The following CDK14 variants were observed in gnomAD, a reference collection of about 807,000 sequenced individuals.
CDK14 encodes the protein cyclin dependent kinase 14, also known as cyclin-dependent kinase 14.
In CDK14, 34 loss-of-function variants were observed where a neutral mutation model predicts 60.7. That is an observed-to-expected ratio of 0.56 (90% CI 0.43 to 0.75). CDK14 has a LOEUF of 0.75. Among genes scored for constraint, CDK14 ranks in the 30% least tolerant of loss-of-function variants. The pLI is 0.00. For missense variants in CDK14, 482 were observed against 564.1 expected (o/e 0.85, Z 1.47); for synonymous variants, 197 against 203.7 (o/e 0.97, Z 0.28).
chr7:91,065,815 A>G (rs980770020), intron 11 of CDK14, among the ~76,000 whole-genome samples: 5 of 152,240 alleles, frequency 3.3e-5, no homozygotes, highest in African/African-American at 1.2e-4. Context: ...TACTTGTAGA[A>G]TGAATGAATA....
At chr7:90,869,149 A>G (rs1265722022) in intron 6 of CDK14, among the ~76,000 whole-genome samples, 2 of 152,202 alleles carry the variant, frequency 1.3e-5, no homozygotes, top group Non-Finnish European at 2.9e-5. Context: ...GTAGCTCTCT[A>G]TCAATATTTT....
At chr7:91,089,743 A>AT (rs1798748541) in intron 12 of CDK14, among the ~76,000 whole-genome samples, 1 of 152,168 alleles carries the variant, frequency 6.6e-6, no homozygotes, top group Non-Finnish European at 1.5e-5. Context: ...GATGATGAAT[A>AT]TTTTTTATGA....
chr7:90,749,744 G>GTT (rs139483011), intron 4 of CDK14, among the ~76,000 whole-genome samples: 2,923 of 152,276 alleles, frequency 0.019, 82 homozygotes, highest in African/African-American at 0.066. Flanking sequence ...GGCTAAGGAT[G>GTT]TTTCCCAGCT....
intron 3 of CDK14, among the ~76,000 whole-genome samples, chr7:90,744,163 C>T (rs553991261): frequency 8.5e-5 from 13 of 152,258 alleles, no homozygotes; most frequent in South Asian, 2.1e-4. Flanking sequence ...TGCGGCCTTC[C>T]GCAGTGTTTG....
chr7:90,922,017 G>A (rs777953372), intron 8 of CDK14, among the ~76,000 whole-genome samples: 11 of 152,128 alleles, frequency 7.2e-5, no homozygotes. Context: ...TAAACAGAAA[G>A]AAATCACCTT....
intron 7 of CDK14, among the ~76,000 whole-genome samples, chr7:90,914,612 T>C (rs573100921): frequency 1.3e-5 from 2 of 152,344 alleles, no homozygotes; most frequent in African/African-American, 2.4e-5. Flanking sequence ...TAATTTGTCA[T>C]GTATACACTT....
intron 4 of CDK14, among the ~76,000 whole-genome samples, chr7:90,763,088 G>A (rs1423890437): frequency 6.6e-6 from 1 of 152,136 alleles, no homozygotes; most frequent in Non-Finnish European, 1.5e-5. Flanking sequence ...ATGATAAAGA[G>A]CTTAGTTCTC....
intron 10 of CDK14, among the ~76,000 whole-genome samples, chr7:91,038,995 AGGG>A (rs1797008249): frequency 1.3e-5 from 2 of 152,192 alleles, no homozygotes; most frequent in Non-Finnish European, 2.9e-5. Flanking sequence ...GGACTAATAC[AGGG>A]GTGTTCCCAG....
intron 2 of CDK14, among the ~76,000 whole-genome samples, chr7:90,654,289 T>C (rs1178774910): frequency 6.6e-6 from 1 of 152,144 alleles, no homozygotes; most frequent in African/African-American, 2.4e-5. Flanking sequence ...TGAAAACTAG[T>C]AATGTACTTG....
intron 4 of CDK14, among the ~76,000 whole-genome samples, chr7:90,748,217 G>A (rs1247428156): frequency 6.6e-6 from 1 of 152,044 alleles, no homozygotes; most frequent in African/African-American, 2.4e-5. Context: ...AAACAAAATG[G>A]CAAACTTTTC....
At chr7:90,649,082 A>G (rs1800530384) in intron 2 of CDK14, among the ~76,000 whole-genome samples, 1 of 152,078 alleles carries the variant, frequency 6.6e-6, no homozygotes, top group Non-Finnish European at 1.5e-5. Context: ...GGAACTCTGT[A>G]AATTATGCTT....
chr7:91,178,740 A>G (rs903124813), intron 14 of CDK14, among the ~76,000 whole-genome samples: 2 of 151,482 alleles, frequency 1.3e-5, no homozygotes, highest in East Asian at 1.9e-4. Flanking sequence ...GAGAAATGCA[A>G]ATCAAAACCA....
chr7:90,971,163 T>G (rs1053385742), intron 9 of CDK14, among the ~76,000 whole-genome samples: 2 of 151,854 alleles, frequency 1.3e-5, no homozygotes, highest in East Asian at 1.9e-4. Flanking sequence ...GTTTTTTTTT[T>G]TTTGTCTCGT....
At chr7:91,049,515 C>T (rs951518244) in intron 11 of CDK14, among the ~76,000 whole-genome samples, 3 of 152,136 alleles carry the variant, frequency 2.0e-5, no homozygotes, top group African/African-American at 7.2e-5. Flanking sequence ...AACCACTGTG[C>T]CTGACCACAA....
At chr7:90,986,856 A>C (rs572168903) in intron 10 of CDK14, among the ~76,000 whole-genome samples, 1 of 152,100 alleles carries the variant, frequency 6.6e-6, no homozygotes, top group East Asian at 1.9e-4. Flanking sequence ...TAGCTGTTGA[A>C]CAACAATAAT....
intron 11 of CDK14, among the ~76,000 whole-genome samples, chr7:91,059,287 TTC>T: frequency 6.6e-6 from 1 of 152,362 alleles, no homozygotes; most frequent in Non-Finnish European, 1.5e-5. Flanking sequence ...TATTTGATTC[TTC>T]TCTCTTTTCT....
At chr7:91,091,610 A>G (rs1798830166) in intron 12 of CDK14, among the ~76,000 whole-genome samples, 6 of 148,388 alleles carry the variant, frequency 4.0e-5, no homozygotes. Context: ...CAGAGGTTGC[A>G]GTGAGCCAAG....
At chr7:90,982,153 G>A (rs1259635349) in intron 9 of CDK14, among the ~76,000 whole-genome samples, 3 of 152,180 alleles carry the variant, frequency 2.0e-5, no homozygotes, top group Non-Finnish European at 4.4e-5. Context: ...GTCAAGCTGC[G>A]AAAGAATGTC....
intron 12 of CDK14, chr7:91,107,708 C>G (rs933858567): frequency 1.3e-5 from 2 of 152,328 alleles, no homozygotes; most frequent in African/African-American, 2.4e-5. Context: ...TAGAAGCAAG[C>G]AGTTTTTCTC....
Sources: allele counts gnomAD v4.1 joint callset (sites outside exome capture counted in the v4.1 genomes callset), GRCh38; gene constraint gnomAD v4.1.1; transcripts MANE v1.5; gene names NCBI Gene and HGNC (gene_info 2026-07-23, HGNC 2026-07-21).